Variants in CCSER1 observed in about 807,000 individuals in gnomAD.
CCSER1 encodes serine-rich coiled-coil domain-containing protein 1.
CCSER1 carries 41 observed loss-of-function variants against 82.0 expected under a neutral mutation model. That is an observed-to-expected ratio of 0.50 (90% CI 0.39 to 0.65). The LOEUF (loss-of-function observed/expected upper bound fraction) is 0.65. Among genes scored for constraint, CCSER1 ranks in the 30% least tolerant of loss-of-function variants. The pLI, the probability that CCSER1 is intolerant of heterozygous loss-of-function variation, is 0.00. For synonymous variants in CCSER1, 414 were observed against 383.9 expected (o/e 1.08, Z -0.92); for missense variants, 1,119 against 1,064.2 (o/e 1.05, Z -0.72).
intron 4 of CCSER1, among the ~76,000 whole-genome samples, chr4:90,446,849 A>AT (rs1257356726): frequency 1.3e-5 from 2 of 152,142 alleles, no homozygotes; most frequent in Non-Finnish European, 2.9e-5. Flanking sequence ...AGCCTACTTA[A>AT]TGTGAAGATG....
chr4:90,506,777 A>T (rs554741987), intron 5 of CCSER1, among the ~76,000 whole-genome samples: 3 of 147,434 alleles, frequency 2.0e-5, no homozygotes, highest in South Asian at 2.1e-4. Context: ...AAAAAAAAAA[A>T]AATAAATAAA....
intron 8 of CCSER1, among the ~76,000 whole-genome samples, chr4:90,901,399 C>T (rs1476557586): frequency 6.6e-6 from 1 of 151,894 alleles, no homozygotes; most frequent in Non-Finnish European, 1.5e-5. Flanking sequence ...GAATTTTGTA[C>T]TTATGGGTGC....
At chr4:91,590,434 C>T (rs1764210107) in intron 10 of CCSER1, among the ~76,000 whole-genome samples, 1 of 152,094 alleles carries the variant, frequency 6.6e-6, no homozygotes, top group Non-Finnish European at 1.5e-5. Context: ...GTTTCCTAGA[C>T]CTTTAACAGA....
Position 91,358,774 on chromosome 4 carries a change from G to T in CCSER1, c.2218-239798G>T, listed in dbSNP as rs1578259506. 3.9e-5 allele frequency among the ~76,000 whole-genome samples: 6 copies of T among 152,220 alleles called. 1 individual carries two copies. The highest frequency in any genetic ancestry group is 3.9e-4 in the Admixed American group (6 of 15,290). ...AATCCTCCTCGGGGGCCTGCTATGT[G>T]CGCTGCTCTGGCGAGGTGTTCCACT... On this transcript the variant is annotated intron_variant, in intron 10 of 10. Coordinates refer to ENST00000509176, the MANE Select transcript of CCSER1 (RefSeq NM_001145065.2).
intron 10 of CCSER1, among the ~76,000 whole-genome samples, chr4:91,219,701 AG>A (rs1737585771): frequency 6.6e-6 from 1 of 152,200 alleles, no homozygotes; most frequent in Admixed American, 6.5e-5. Flanking sequence ...ACATTCACTT[AG>A]GGCAAAAGAT....
chr4:90,629,010 C>G (rs1025178777), intron 6 of CCSER1, among the ~76,000 whole-genome samples: 2 of 151,862 alleles, frequency 1.3e-5, no homozygotes, highest in Non-Finnish European at 2.9e-5. Flanking sequence ...AAATTTGTGT[C>G]TTTGTATTAC....
intron 8 of CCSER1, among the ~76,000 whole-genome samples, chr4:90,901,223 G>T (rs1339967698): frequency 2.0e-5 from 3 of 151,628 alleles, no homozygotes; most frequent in Non-Finnish European, 4.4e-5. Flanking sequence ...AGATGGTTGG[G>T]TCTCTCTTTT....
intron 10 of CCSER1, among the ~76,000 whole-genome samples, chr4:91,449,836 CTG>C (rs1470070549): frequency 6.6e-6 from 1 of 152,050 alleles, no homozygotes; most frequent in African/African-American, 2.4e-5. Flanking sequence ...GAATTGGTCA[CTG>C]TTAACTGAAT....
intron 5 of CCSER1, among the ~76,000 whole-genome samples, chr4:90,574,251 A>ATTTTTT (rs777629017): frequency 5.8e-5 from 5 of 86,072 alleles, no homozygotes; most frequent in African/African-American, 1.8e-4. Flanking sequence ...AAACACATTA[A>ATTTTTT]TTTTTTTTTT....
intron 4 of CCSER1, among the ~76,000 whole-genome samples, chr4:90,444,453 AT>A (rs560516415): frequency 9.3e-4 from 141 of 152,136 alleles, no homozygotes; most frequent in African/African-American, 3.3e-3. Flanking sequence ...TTTCATAACT[AT>A]TTATAGTTGG....
intron 10 of CCSER1, among the ~76,000 whole-genome samples, chr4:91,432,066 A>G (rs558054678): frequency 1.3e-5 from 2 of 152,184 alleles, no homozygotes; most frequent in Non-Finnish European, 2.9e-5. Context: ...CATGATAGTG[A>G]GGGAGTTCTG....
intron 10 of CCSER1, among the ~76,000 whole-genome samples, chr4:91,096,254 T>C (rs1724501237): frequency 6.6e-6 from 1 of 152,134 alleles, no homozygotes; most frequent in African/African-American, 2.4e-5. Context: ...TCTTCCTTTC[T>C]TGTCTACTCT....
At chr4:90,150,964 T>A (rs1016178560) in intron 1 of CCSER1, among the ~76,000 whole-genome samples, 1 of 152,150 alleles carries the variant, frequency 6.6e-6, no homozygotes, top group Non-Finnish European at 1.5e-5. Context: ...AATAGATTGT[T>A]ATTTTTTTTT....
intron 7 of CCSER1, among the ~76,000 whole-genome samples, chr4:90,749,221 G>T (rs968558199): frequency 3.3e-5 from 5 of 151,520 alleles, no homozygotes; most frequent in Non-Finnish European, 7.4e-5. Flanking sequence ...TGTATAAGGT[G>T]TAAGGAAGGG....
chr4:91,207,082 G>T (rs1439581483), intron 10 of CCSER1, among the ~76,000 whole-genome samples: 1 of 151,794 alleles, frequency 6.6e-6, no homozygotes, highest in Non-Finnish European at 1.5e-5. Flanking sequence ...AGGAAACAAC[G>T]TTATGTAAAG....
At chr4:90,565,684 C>T (rs1346532747) in intron 5 of CCSER1, among the ~76,000 whole-genome samples, 3 of 152,264 alleles carry the variant, frequency 2.0e-5, no homozygotes, top group Non-Finnish European at 4.4e-5. Flanking sequence ...ACATTCCTTC[C>T]GTACCTAACT....
chr4:90,344,777 A>G (rs1742032387), intron 3 of CCSER1, among the ~76,000 whole-genome samples: 1 of 152,104 alleles, frequency 6.6e-6, no homozygotes, highest in African/African-American at 2.4e-5. Flanking sequence ...AAACTTTAAT[A>G]CACCTCTGAA....
At chr4:90,693,016 C>T (rs1736303275) in intron 6 of CCSER1, among the ~76,000 whole-genome samples, 1 of 151,928 alleles carries the variant, frequency 6.6e-6, no homozygotes, top group African/African-American at 2.4e-5. Flanking sequence ...AAGACACACA[C>T]AGTTCCACAA....
chr4:91,566,711 A>T, intron 10 of CCSER1, among the ~76,000 whole-genome samples: 1 of 151,724 alleles, frequency 6.6e-6, no homozygotes, highest in East Asian at 1.9e-4. Context: ...GGTTGTTTTT[A>T]TTTCTGTGGG....
Sources: allele counts gnomAD v4.1 joint callset (sites outside exome capture counted in the v4.1 genomes callset), GRCh38; gene constraint gnomAD v4.1.1; transcripts MANE v1.5; gene names NCBI Gene and HGNC (gene_info 2026-07-23, HGNC 2026-07-21).